Variants in WWOX observed in about 807,000 individuals in gnomAD.
WWOX encodes the protein WW domain-containing oxidoreductase.
Under a neutral mutation model 46.2 loss-of-function variants are expected in WWOX, and 69 were observed. The ratio of observed to expected loss-of-function variants is 1.49; its 90% CI spans 1.23 to 1.82. The LOEUF (loss-of-function observed/expected upper bound fraction) is 1.82, where lower values mean the gene tolerates loss of function less well. Among genes scored for constraint, WWOX ranks in the 40% most tolerant of loss-of-function variants. WWOX has a pLI of 0.00. For missense variants in WWOX, 919 were observed against 542.6 expected (o/e 1.69, Z -6.89); for synonymous variants, 359 against 202.6 (o/e 1.77, Z -6.56).
chr16:78,298,871 C>T (rs542835512), intron 5 of WWOX, among the ~76,000 whole-genome samples: 2 of 152,258 alleles, frequency 1.3e-5, no homozygotes, highest in Admixed American at 6.5e-5. Context: ...TTAACACTGT[C>T]CCTGAGACAT....
intron 8 of WWOX, among the ~76,000 whole-genome samples, chr16:78,970,585 C>A (rs544075464): frequency 1.3e-5 from 2 of 152,224 alleles, no homozygotes; most frequent in African/African-American, 4.8e-5. Context: ...GTAAGACATT[C>A]AAGGTAGAAG....
chr16:78,585,937 C>G (rs1048858652), intron 8 of WWOX, among the ~76,000 whole-genome samples: 2 of 152,014 alleles, frequency 1.3e-5, no homozygotes, highest in South Asian at 2.1e-4. Context: ...TGGCTCGTTT[C>G]TATAATCCCA....
intron 8 of WWOX, among the ~76,000 whole-genome samples, chr16:78,971,448 CAAAA>C (rs71140852): frequency 8.0e-5 from 9 of 111,890 alleles, no homozygotes; most frequent in East Asian, 5.7e-4. Flanking sequence ...GACTCTGTGT[CAAAA>C]AAAAAAAAAA....
At chr16:78,694,846 C>G (rs2048066454) in intron 8 of WWOX, among the ~76,000 whole-genome samples, 1 of 151,186 alleles carries the variant, frequency 6.6e-6, no homozygotes, top group South Asian at 2.1e-4. Flanking sequence ...CCGCTGCATT[C>G]TGCTATGTAT....
At chr16:78,227,863 G>A (rs992557353) in intron 5 of WWOX, among the ~76,000 whole-genome samples, 8 of 152,102 alleles carry the variant, frequency 5.3e-5, no homozygotes, top group Admixed American at 2.6e-4. Context: ...GTGACAGAGC[G>A]AAACTCTGTC....
chr16:78,382,400 G>T (rs563620795), intron 5 of WWOX, among the ~76,000 whole-genome samples: 55 of 152,308 alleles, frequency 3.6e-4, no homozygotes, highest in African/African-American at 1.0e-3. Context: ...CATCCACCTG[G>T]TCCCTGAGTG....
At chr16:78,679,915 A>T (rs1226441802) in intron 8 of WWOX, among the ~76,000 whole-genome samples, 1 of 152,140 alleles carries the variant, frequency 6.6e-6, no homozygotes, top group African/African-American at 2.4e-5. Flanking sequence ...CTCCGTAACC[A>T]ATGGCAGCTG....
At chr16:78,590,504 GT>G (rs2045326880) in intron 8 of WWOX, among the ~76,000 whole-genome samples, 2 of 152,336 alleles carry the variant, frequency 1.3e-5, no homozygotes, top group Non-Finnish European at 2.9e-5. Flanking sequence ...AGAGGGAAAG[GT>G]TTTTAGGGAG....
At chr16:79,094,888 C>A (rs1332987458) in intron 8 of WWOX, among the ~76,000 whole-genome samples, 3 of 152,088 alleles carry the variant, frequency 2.0e-5, no homozygotes, top group Admixed American at 1.3e-4. Flanking sequence ...TGTCATCAGC[C>A]CAAACCAGAT....
At chr16:78,694,621 A>G (rs2048061011) in intron 8 of WWOX, among the ~76,000 whole-genome samples, 1 of 152,250 alleles carries the variant, frequency 6.6e-6, no homozygotes, top group Non-Finnish European at 1.5e-5. Flanking sequence ...ATTAACCAGC[A>G]AAGGCATTCT....
At chr16:78,861,286 C>T (rs1232070980) in intron 8 of WWOX, among the ~76,000 whole-genome samples, 1 of 152,228 alleles carries the variant, frequency 6.6e-6, no homozygotes, top group East Asian at 1.9e-4. Context: ...TAAGTCTTCT[C>T]CCAGTCCATG....
chr16:79,106,210 C>G (rs1441374583), intron 8 of WWOX, among the ~76,000 whole-genome samples: 1 of 152,218 alleles, frequency 6.6e-6, no homozygotes, highest in Non-Finnish European at 1.5e-5. Context: ...ACTTCAGTGC[C>G]TGCTAAAGTT....
intron 8 of WWOX, among the ~76,000 whole-genome samples, chr16:78,445,957 G>T (rs951589426): frequency 6.6e-6 from 1 of 152,204 alleles, no homozygotes; most frequent in East Asian, 1.9e-4. Flanking sequence ...AGCCTTTGCT[G>T]TGCTTTGGAA....
At chr16:78,733,431 A>G (rs9932728) in intron 8 of WWOX, among the ~76,000 whole-genome samples, 40,961 of 150,700 alleles carry the variant, frequency 0.27, 8,061 homozygotes, top group African/African-American at 0.56. Context: ...CTCCAGCCTA[A>G]GCAACAGAGT....
chr16:78,254,755 G>T (rs1043951902), intron 5 of WWOX, among the ~76,000 whole-genome samples: 6 of 151,840 alleles, frequency 4.0e-5, no homozygotes, highest in Admixed American at 3.9e-4. Flanking sequence ...TCTCGAACTC[G>T]CAAGTTCAAG....
intron 8 of WWOX, among the ~76,000 whole-genome samples, chr16:78,442,019 C>G (rs1264753920): frequency 6.7e-6 from 1 of 150,214 alleles, no homozygotes; most frequent in Non-Finnish European, 1.5e-5. Flanking sequence ...TGCCTATAAT[C>G]CTAACAGTTG....
chr16:78,387,503 A>G (rs1441636195), intron 6 of WWOX, among the ~76,000 whole-genome samples: 1 of 152,014 alleles, frequency 6.6e-6, no homozygotes, highest in Non-Finnish European at 1.5e-5. Flanking sequence ...AGCCTTAGTT[A>G]GGGCCTAGCA....
intron 8 of WWOX, among the ~76,000 whole-genome samples, chr16:79,098,038 A>G (rs959219460): frequency 2.0e-5 from 3 of 152,184 alleles, no homozygotes; most frequent in African/African-American, 7.2e-5. Flanking sequence ...TGCCTGTCCA[A>G]TATCTAGAGA....
chr16:78,099,789 T>G lies in WWOX; in HGVS notation c.11T>G (p.Leu4Arg). 1 of 1,558,526 alleles carries G rather than the reference T, an allele frequency of 6.4e-7. No homozygotes were observed. Among genetic ancestry groups the G allele is most frequent in the Non-Finnish European group, 8.7e-7 (1 of 1,153,820 alleles). Residue 4 changes from leucine to arginine, a missense_variant, in exon 1 of 9, where the codon CTG (leucine) becomes CGG (arginine). Physicochemically the swap from Leu to Arg is moderately radical, Grantham distance 102. Transcript: ENST00000566780. The part of the protein sequence containing the change: MAA[L>R]RYAGLDDTDS... ...CCTCCACAGTCAGCCATGGCAGCGC[T>G]GCGCTACGCGGGGCTGGACGACACG...
Sources: allele counts gnomAD v4.1 joint callset (sites outside exome capture counted in the v4.1 genomes callset), GRCh38; gene constraint gnomAD v4.1.1; transcripts MANE v1.5; gene names NCBI Gene and HGNC (gene_info 2026-07-23, HGNC 2026-07-21).